Variants in CPLX2 observed in about 807,000 individuals in gnomAD.
CPLX2 encodes the protein complexin 2.
In CPLX2, 5 loss-of-function variants were observed where a neutral mutation model predicts 16.3. That is an observed-to-expected ratio of 0.31 (90% CI 0.16 to 0.64). The LOEUF (loss-of-function observed/expected upper bound fraction) is 0.64, where lower values mean the gene tolerates loss of function less well. Among genes scored for constraint, CPLX2 ranks in the 30% least tolerant of loss-of-function variants. CPLX2 has a pLI of 0.79. For synonymous variants in CPLX2, 89 were observed against 73.2 expected (o/e 1.22, Z -1.10); for missense variants, 144 against 181.4 (o/e 0.79, Z 1.18).
At chr5:175,857,502 T>C (rs1317438463) in intron 2 of CPLX2, among the ~76,000 whole-genome samples, 1 of 152,250 alleles carries the variant, frequency 6.6e-6, no homozygotes, top group Admixed American at 6.5e-5. Flanking sequence ...CTGAGCATCA[T>C]TGCTGAACCT....
chr5:175,870,001 C>T (rs1581100985), upstream of CPLX2, among the ~76,000 whole-genome samples: 1 of 152,198 alleles, frequency 6.6e-6, no homozygotes, highest in Non-Finnish European at 1.5e-5. Context: ...GAGGACTGTG[C>T]ACTTGAAATG....
chr5:175,842,944 G>A (rs868449059), intron 2 of CPLX2, among the ~76,000 whole-genome samples: 4 of 152,188 alleles, frequency 2.6e-5, no homozygotes, highest in African/African-American at 7.2e-5. Flanking sequence ...AGGCCCTGGC[G>A]CAACTGTGAG....
intron 2 of CPLX2, among the ~76,000 whole-genome samples, chr5:175,813,717 A>G (rs898600708): frequency 3.3e-5 from 5 of 152,224 alleles, no homozygotes. Flanking sequence ...GATCCATGAG[A>G]CAATTTGAAG....
chr5:175,836,202 T>A (rs558227902), intron 2 of CPLX2, among the ~76,000 whole-genome samples: 14 of 152,020 alleles, frequency 9.2e-5, no homozygotes, highest in African/African-American at 3.1e-4. Flanking sequence ...TACAAAAAAT[T>A]AGCTGGGCGT....
chr5:175,811,582 T>C (rs1437935880), intron 2 of CPLX2, among the ~76,000 whole-genome samples: 1 of 152,118 alleles, frequency 6.6e-6, no homozygotes, highest in African/African-American at 2.4e-5. Context: ...TTGGCTTGAA[T>C]TGACTTGAGT....
intron 2 of CPLX2, among the ~76,000 whole-genome samples, chr5:175,827,838 C>A (rs766565576): frequency 1.3e-5 from 2 of 152,266 alleles, no homozygotes; most frequent in Middle Eastern, 3.4e-3. Context: ...TACAAAAAAA[C>A]CAACTGCAAC....
intron 2 of CPLX2, among the ~76,000 whole-genome samples, chr5:175,862,901 T>C (rs1483504059): frequency 1.3e-5 from 2 of 152,206 alleles, no homozygotes; most frequent in Non-Finnish European, 2.9e-5. Context: ...CCAAAGCTGA[T>C]GCCACACGAG....
intron 2 of CPLX2, among the ~76,000 whole-genome samples, chr5:175,858,531 G>A (rs748000259): frequency 2.6e-5 from 4 of 152,210 alleles, no homozygotes; most frequent in Non-Finnish European, 5.9e-5. Flanking sequence ...AGCCCCCGGG[G>A]GCCAGTGTCA....
At chr5:175,828,735 C>T (rs1758669279) in intron 2 of CPLX2, among the ~76,000 whole-genome samples, 1 of 152,194 alleles carries the variant, frequency 6.6e-6, no homozygotes, top group Non-Finnish European at 1.5e-5. Flanking sequence ...CTTCTAAATA[C>T]TTTGCCTTGC....
At chr5:175,838,812 C>A (rs1036300258) in intron 2 of CPLX2, among the ~76,000 whole-genome samples, 12 of 152,218 alleles carry the variant, frequency 7.9e-5, no homozygotes, top group Non-Finnish European at 1.3e-4. Flanking sequence ...ACTTTCTTAC[C>A]CATTTGGCTT....
At chr5:175,876,628 A>C (rs1489449498) in intron 1 of CPLX2, among the ~76,000 whole-genome samples, 1 of 152,122 alleles carries the variant, frequency 6.6e-6, no homozygotes, top group East Asian at 1.9e-4. Context: ...GATCCAGGAG[A>C]GAGACGTGTC....
intron 1 of CPLX2, among the ~76,000 whole-genome samples, chr5:175,802,797 A>G (rs1758124038): frequency 6.6e-6 from 1 of 152,074 alleles, no homozygotes; most frequent in Admixed American, 6.6e-5. Context: ...CCAGATGCTC[A>G]ACAAATGTGC....
intron 2 of CPLX2, among the ~76,000 whole-genome samples, chr5:175,822,702 T>C (rs1480239823): frequency 6.6e-6 from 1 of 152,250 alleles, no homozygotes; most frequent in Non-Finnish European, 1.5e-5. Flanking sequence ...AGCCATCTCC[T>C]TCCTATCAGC....
At chr5:175,823,609 G>A (rs1436229909) in intron 2 of CPLX2, among the ~76,000 whole-genome samples, 2 of 152,164 alleles carry the variant, frequency 1.3e-5, no homozygotes, top group Admixed American at 6.5e-5. Context: ...GGAAACAGAG[G>A]TTTAGGAGCT....
At chr5:175,856,211 C>T (rs988255580) in intron 2 of CPLX2, among the ~76,000 whole-genome samples, 1 of 152,186 alleles carries the variant, frequency 6.6e-6, no homozygotes, top group Non-Finnish European at 1.5e-5. Context: ...ATAGTACTTA[C>T]CTCATAAGGT....
At chr5:175,827,233 G>A (rs1331212627) in intron 2 of CPLX2, among the ~76,000 whole-genome samples, 1 of 152,166 alleles carries the variant, frequency 6.6e-6, no homozygotes, top group African/African-American at 2.4e-5. Context: ...GCCCTCTATG[G>A]GAGAACAGGC....
At chr5:175,803,012 A>G (rs1251041321) in intron 1 of CPLX2, among the ~76,000 whole-genome samples, 2 of 152,054 alleles carry the variant, frequency 1.3e-5, no homozygotes, top group Non-Finnish European at 2.9e-5. Context: ...TTGTATTTTT[A>G]GTAGAGACAG....
intron 2 of CPLX2, among the ~76,000 whole-genome samples, chr5:175,813,102 C>T (rs767536360): frequency 9.9e-5 from 15 of 152,150 alleles, no homozygotes; most frequent in Non-Finnish European, 1.8e-4. Context: ...GAGGCTGGCA[C>T]ACGTGTGATT....
At chr5:175,821,592 G>C (rs1043744106) in intron 2 of CPLX2, among the ~76,000 whole-genome samples, 1 of 152,056 alleles carries the variant, frequency 6.6e-6, no homozygotes, top group Non-Finnish European at 1.5e-5. Context: ...ATTTTTAGTA[G>C]AGACGGGATT....
Sources: allele counts gnomAD v4.1 joint callset (sites outside exome capture counted in the v4.1 genomes callset), GRCh38; gene constraint gnomAD v4.1.1; transcripts MANE v1.5; gene names NCBI Gene and HGNC (gene_info 2026-07-23, HGNC 2026-07-21).